MAF: variants seen among roughly 807,000 people sequenced by gnomAD.
MAF encodes the protein MAF bZIP transcription factor, also known as transcription factor Maf.
A neutral mutation model predicts 22.0 loss-of-function variants in MAF; 10 were observed. The ratio of observed to expected loss-of-function variants is 0.45; its 90% CI spans 0.28 to 0.77. The LOEUF is 0.77. Among genes scored for constraint, MAF ranks in the 30% least tolerant of loss-of-function variants. The pLI is 0.12. For missense variants in MAF, 544 were observed against 548.4 expected (o/e 0.99, Z 0.08); for synonymous variants, 337 against 255.8 (o/e 1.32, Z -3.03).
At chr16:79,439,285 G>T in the MAF span, among the ~76,000 whole-genome samples, 1 of 138,408 alleles carries the variant, frequency 7.2e-6, no homozygotes, top group South Asian at 2.3e-4. Flanking sequence ...TTTTTGAGAC[G>T]GAGTCTTGCT....
At chr16:79,595,981 C>A (rs960440834) in intron 1 of MAF, 5 of 1,060,936 alleles carry the variant, frequency 4.7e-6, no homozygotes, top group Non-Finnish European at 5.7e-6. Flanking sequence ...TAAATCTTGT[C>A]AGGCCTTGCT....
chr16:79,521,882 A>G, the MAF span, among the ~76,000 whole-genome samples: 1 of 152,226 alleles, frequency 6.6e-6, no homozygotes, highest in Non-Finnish European at 1.5e-5. Context: ...TATTAGAATC[A>G]TCATCTTAAT....
the MAF span, among the ~76,000 whole-genome samples, chr16:79,289,066 C>A: frequency 1.3e-5 from 2 of 152,168 alleles, no homozygotes; most frequent in Non-Finnish European, 2.9e-5. Context: ...AGCAAAGATA[C>A]CTGCTGAGAT....
At chr16:79,495,389 G>A in the MAF span, among the ~76,000 whole-genome samples, 4 of 152,124 alleles carry the variant, frequency 2.6e-5, no homozygotes, top group African/African-American at 9.7e-5. Context: ...CTTGAGCCCA[G>A]GAGGTCAAGG....
At chr16:79,376,136 A>G in the MAF span, among the ~76,000 whole-genome samples, 1 of 152,088 alleles carries the variant, frequency 6.6e-6, no homozygotes, top group Non-Finnish European at 1.5e-5. Flanking sequence ...AAAAAAAATC[A>G]CCAGAAAAAG....
the MAF span, among the ~76,000 whole-genome samples, chr16:79,339,889 C>T: frequency 9.8e-5 from 15 of 152,300 alleles, no homozygotes; most frequent in South Asian, 4.1e-4. Flanking sequence ...TCCCCTTCTC[C>T]GCTAAAAGCA....
chr16:79,213,663 G>C, the MAF span, among the ~76,000 whole-genome samples: 1 of 152,108 alleles, frequency 6.6e-6, no homozygotes, highest in South Asian at 2.1e-4. Flanking sequence ...GAGACACGTA[G>C]TCACTCCCAG....
At chr16:79,574,701 C>T in the MAF span, among the ~76,000 whole-genome samples, 2 of 152,162 alleles carry the variant, frequency 1.3e-5, no homozygotes, top group Non-Finnish European at 2.9e-5. Context: ...AGTCTGGCTT[C>T]AAACTGAGGC....
At chr16:79,570,113 T>C in the MAF span, among the ~76,000 whole-genome samples, 1 of 151,910 alleles carries the variant, frequency 6.6e-6, no homozygotes, top group East Asian at 1.9e-4. Context: ...CTCAAAAGGT[T>C]AAGAAAGCCA....
chr16:79,447,905 A>AAAAAAAAAAAAAAAAAAAAAAG, the MAF span, among the ~76,000 whole-genome samples: 46 of 85,808 alleles, frequency 5.4e-4, no homozygotes, highest in African/African-American at 1.5e-3. Flanking sequence ...AAAAAAAAAA[A>AAAAAAAAAAAAAAAAAAAAAAG]AAAAGAAAAG....
the MAF span, among the ~76,000 whole-genome samples, chr16:79,536,028 G>C: frequency 1.3e-5 from 2 of 152,130 alleles, no homozygotes; most frequent in Non-Finnish European, 2.9e-5. Flanking sequence ...AATTATGTTT[G>C]GTTCTGCATG....
At chr16:79,353,318 A>G in the MAF span, among the ~76,000 whole-genome samples, 1 of 152,112 alleles carries the variant, frequency 6.6e-6, no homozygotes, top group African/African-American at 2.4e-5. Flanking sequence ...TAGTAGAGAC[A>G]GGGTTTCACT....
chr16:79,446,556 A>T, the MAF span, among the ~76,000 whole-genome samples: 3 of 152,200 alleles, frequency 2.0e-5, no homozygotes, highest in Admixed American at 2.0e-4. Flanking sequence ...GCTTTACAAA[A>T]GCTAAAGCCC....
the MAF span, among the ~76,000 whole-genome samples, chr16:79,515,690 C>T: frequency 2.0e-5 from 3 of 152,268 alleles, no homozygotes; most frequent in African/African-American, 4.8e-5. Flanking sequence ...GAGGCTGGGC[C>T]GTGCTTCCTG....
At chr16:79,529,179 T>A in the MAF span, among the ~76,000 whole-genome samples, 1 of 152,140 alleles carries the variant, frequency 6.6e-6, no homozygotes, top group African/African-American at 2.4e-5. Context: ...GAACTCATGG[T>A]CCCAGAAGAG....
chr16:79,484,219 AG>A, the MAF span, among the ~76,000 whole-genome samples: 1 of 152,228 alleles, frequency 6.6e-6, no homozygotes, highest in Non-Finnish European at 1.5e-5. Flanking sequence ...GCAACCGTCC[AG>A]GTCCCCTGAG....
the MAF span, among the ~76,000 whole-genome samples, chr16:79,293,887 A>G: frequency 6.6e-6 from 1 of 151,926 alleles, no homozygotes; most frequent in Non-Finnish European, 1.5e-5. Flanking sequence ...GGAGAAAAGC[A>G]GGCTTTGTCT....
intron 1 of MAF, chr16:79,595,630 G>C: frequency 1.9e-6 from 2 of 1,057,990 alleles, no homozygotes; most frequent in Non-Finnish European, 2.3e-6. Flanking sequence ...GTAGTTTTGA[G>C]TCTTTCCAAG....
At chr16:79,293,676 A>G in the MAF span, among the ~76,000 whole-genome samples, 11 of 152,120 alleles carry the variant, frequency 7.2e-5, no homozygotes, top group Non-Finnish European at 1.3e-4. Flanking sequence ...CCCAACTCTT[A>G]CATTAGTCTT....
Sources: allele counts gnomAD v4.1 joint callset (sites outside exome capture counted in the v4.1 genomes callset), GRCh38; gene constraint gnomAD v4.1.1; transcripts MANE v1.5; gene names NCBI Gene and HGNC (gene_info 2026-07-23, HGNC 2026-07-21).